Variants in CLUAP1 observed in about 807,000 individuals in gnomAD.
CLUAP1 encodes intraflagellar transport 38.
Under a neutral mutation model 55.0 loss-of-function variants are expected in CLUAP1, and 50 were observed. The observed-to-expected ratio is 0.91, with a 90% CI of 0.72 to 1.15. The LOEUF is 1.15. CLUAP1 is among the 50% of genes most tolerant of loss of function. The probability of loss-of-function intolerance (pLI) is 0.00; values close to 1 mark genes in which losing one functional copy is unlikely to be tolerated. For missense variants in CLUAP1, 530 were observed against 507.6 expected, an observed-to-expected ratio of 1.04 and a Z score of -0.42; for synonymous variants, 195 against 175.4, an observed-to-expected ratio of 1.11 and a Z score of -0.88.
At chr16:3,500,723 C>G (rs187950933), upstream of CLUAP1, among the ~76,000 whole-genome samples, 1 of 152,160 alleles carries the variant, frequency 6.6e-6, no homozygotes, top group Non-Finnish European at 1.5e-5. Flanking sequence ...ATATGGAAAG[C>G]GCCTAGCGCA....
At chr16:3,517,991 G>A (rs1023364212) in intron 6 of CLUAP1, among the ~76,000 whole-genome samples, 8 of 152,194 alleles carry the variant, frequency 5.3e-5, no homozygotes, top group Admixed American at 6.5e-5. Flanking sequence ...GGACAGTGGA[G>A]TGGGGCTGGA....
At chr16:3,506,830 A>G (rs1332813593) in intron 3 of CLUAP1, among the ~76,000 whole-genome samples, 5 of 151,922 alleles carry the variant, frequency 3.3e-5, no homozygotes, top group African/African-American at 1.2e-4. Context: ...AAACCATTCC[A>G]TTGCTGGGTT....
chr16:3,531,430 G>A (rs1056683260), intron 10 of CLUAP1, among the ~76,000 whole-genome samples: 3 of 152,106 alleles, frequency 2.0e-5, no homozygotes, highest in Admixed American at 1.3e-4. Flanking sequence ...GCTGAGACAG[G>A]AGAATGGTGT....
chr16:3,515,671 A>G (rs1567430066), intron 6 of CLUAP1, 80 bp downstream of exon 6: 2 of 967,990 alleles, frequency 2.1e-6, no homozygotes, highest in Admixed American at 5.5e-5. Context: ...ACAAGACAGA[A>G]CAAGCTAGGC....
intron 5 of CLUAP1, among the ~76,000 whole-genome samples, chr16:3,514,644 C>G (rs1055326459): frequency 7.9e-5 from 12 of 152,190 alleles, no homozygotes; most frequent in Admixed American, 7.2e-4. Flanking sequence ...TTGGGAAGTT[C>G]TAGATGAAAG....
the CLUAP1 span, chr16:3,495,444 G>A: frequency 6.2e-7 from 1 of 1,606,922 alleles, no homozygotes; most frequent in Non-Finnish European, 8.5e-7. Context: ...TGGTGGGGAG[G>A]AGCAACCAGG....
rs201187603 is a variant in CLUAP1 at position 3,515,499 on chromosome 16, G to C, written c.496-9G>C. On this transcript the variant is annotated splice_polypyrimidine_tract_variant and intron_variant, in intron 5 of 11. Coordinates refer to ENST00000576634, the MANE Select transcript of CLUAP1 (RefSeq NM_015041.3). The stretch of plus-strand genomic sequence containing the variant: ...GAAAATATACGTAAATGATTTTACT[G>C]TTTCCTAGGAAATGAGAACAGAAGC... 36 of 1,573,756 alleles carry C rather than the reference G, an allele frequency of 2.3e-5. No homozygotes were observed. The African/African-American group carries it at 3.7e-4, about 16-fold the overall frequency.
intron 4 of CLUAP1, among the ~76,000 whole-genome samples, chr16:3,510,203 A>G (rs1372150905): frequency 2.6e-5 from 4 of 152,146 alleles, no homozygotes; most frequent in Non-Finnish European, 5.9e-5. Flanking sequence ...CATGTTGGTC[A>G]GGCTAGTCTC....
chr16:3,507,551 C>A (rs1447418965), intron 3 of CLUAP1, among the ~76,000 whole-genome samples: 1 of 147,184 alleles, frequency 6.8e-6, no homozygotes, highest in Non-Finnish European at 1.5e-5. Context: ...CAGAGTGAGA[C>A]CCTATCTCAA....
intron 1 of CLUAP1, 53 bp from the exon 2 acceptor site, chr16:3,504,667 A>G: frequency 2.1e-6 from 2 of 962,380 alleles, no homozygotes; most frequent in Non-Finnish European, 3.4e-6. Context: ...CTAAGTTAAT[A>G]AGTAGTTGCT....
At chr16:3,501,637 C>G (rs1273522622) in intron 1 of CLUAP1, among the ~76,000 whole-genome samples, 1 of 152,078 alleles carries the variant, frequency 6.6e-6, no homozygotes, top group African/African-American at 2.4e-5. Context: ...ACAAAATTAG[C>G]CGGGGGTGGT....
rs747102144 is a variant in CLUAP1 at position 3,504,788 on chromosome 16, A to G, written c.91A>G (p.Asn31Asp). The change falls in exon 2 of 12, where the codon AAT (asparagine) becomes GAT (aspartate). Residue 31 changes from asparagine (N) to aspartate (D), a missense_variant. By Grantham distance (23) the Asn-to-Asp change is conservative (BLOSUM62 1). Coordinates refer to ENST00000576634, the MANE Select transcript of CLUAP1 (RefSeq NM_015041.3). The part of the protein sequence containing the change: ...HISMENFRTP[N>D]FGLVSEVLLW... ...TTCTATGGAAAATTTCCGTACACCC[A>G]ATTTTGGACTTGTATCTGAAGTGCT... The G allele has an allele frequency of 1.2e-6, 2 of 1,613,350 alleles. No homozygotes were observed. The highest frequency in any genetic ancestry group is 1.7e-6 in the Non-Finnish European group (2 of 1,179,242).
the CLUAP1 span, among the ~76,000 whole-genome samples, chr16:3,495,807 T>C: frequency 6.6e-6 from 1 of 151,794 alleles, no homozygotes; most frequent in Non-Finnish European, 1.5e-5. Context: ...GTCGGTACTT[T>C]GAAAATGCTG....
rs2038148824 is a variant in CLUAP1, at chr16:3,532,661, C to CCTCCCAAA, written c.1037-124_1037-117dup. The CCTCCCAAA allele has an allele frequency of 7.5e-6, 7 of 928,932 alleles. No homozygotes were observed. In the East Asian group the frequency reaches 1.8e-4, roughly 24 times the overall value. The allele number at this position is 928,932 out of a possible 1,614,324, so 57.5% of individuals were successfully genotyped here. A position where few individuals can be genotyped will look rare whatever the true frequency, so the allele number is the denominator to read the frequency against. ...TCAAACTCCTGGCCTCCTGTCTCAGCCTCCCAAATTCCTGGGATTATACGC... is the reference window on the plus strand; with the variant it reads ...TCAAACTCCTGGCCTCCTGTCTCAGCCTCCCAAACTCCCAAATTCCTGGGATTATACGC... On this transcript the variant is annotated intron_variant, in intron 10 of 11. Transcript: ENST00000576634.
intron 6 of CLUAP1, among the ~76,000 whole-genome samples, chr16:3,517,129 T>C (rs1172082951): frequency 1.4e-5 from 2 of 139,218 alleles, no homozygotes; most frequent in Non-Finnish European, 1.5e-5. Flanking sequence ...TTTTTTTTTC[T>C]TTTTTTTTTT....
At position 3,529,224 on chromosome 16, in the gene CLUAP1, T is replaced by C. The variant is rs530782647; in HGVS notation, c.929-1344T>C. Among the ~76,000 whole-genome samples, 4 of 150,730 alleles carry C rather than the reference T, an allele frequency of 2.7e-5. No homozygotes were observed. The East Asian group carries it at 5.8e-4, about 22-fold the overall frequency. ...TCACTTCATTCACATGGATTCAACATAGTACTTGGTATGTGGCAAATTCAA... is the reference window on the plus strand; with the variant it reads ...TCACTTCATTCACATGGATTCAACACAGTACTTGGTATGTGGCAAATTCAA... On this transcript the variant is annotated intron_variant, in intron 9 of 11. Coordinates refer to ENST00000576634, the MANE Select transcript of CLUAP1 (RefSeq NM_015041.3).
chr16:3,512,174 G>A (rs2037640192), intron 4 of CLUAP1, among the ~76,000 whole-genome samples: 1 of 142,268 alleles, frequency 7.0e-6, no homozygotes, highest in South Asian at 2.2e-4. Flanking sequence ...CAACAAGAAC[G>A]AAACTCCGTC....
chr16:3,495,884 TC>T, the CLUAP1 span, among the ~76,000 whole-genome samples: 1 of 152,022 alleles, frequency 6.6e-6, no homozygotes, highest in East Asian at 1.9e-4. Context: ...GGCAGGCTGA[TC>T]AGTTGAGGTC....
upstream of CLUAP1, chr16:3,496,690 C>T (rs951296369): frequency 1.9e-5 from 10 of 533,098 alleles, no homozygotes; most frequent in African/African-American, 3.8e-5. Context: ...CACACAGCCA[C>T]ACCAAACGCT....
Sources: gnomAD v4.1 joint callset for allele counts (sites outside exome capture counted in the v4.1 genomes callset) on GRCh38, gnomAD v4.1.1 for gene constraint, MANE v1.5 for transcripts, NCBI Gene and HGNC (gene_info 2026-07-23, HGNC 2026-07-21) for gene names.